CMKLR2: variants seen among roughly 807,000 people sequenced by gnomAD.
CMKLR2 encodes the protein chemerin-like receptor 2.
CMKLR2 carries 18 observed loss-of-function variants against 23.0 expected under a neutral mutation model. The ratio of observed to expected loss-of-function variants is 0.78; its 90% confidence interval spans 0.54 to 1.16. The LOEUF (loss-of-function observed/expected upper bound fraction) is 1.16, where lower values mean the gene tolerates loss of function less well. Among genes scored for constraint, CMKLR2 ranks in the 50% most tolerant of loss-of-function variants. The probability of loss-of-function intolerance (pLI) is 0.00; values close to 1 mark genes in which losing one functional copy is unlikely to be tolerated. For missense variants in CMKLR2, 401 were observed against 412.7 expected (o/e 0.97, Z 0.25); for synonymous variants, 158 against 158.9 (o/e 0.99, Z 0.05).
chr2:206,192,411 C>A (rs1319005110), intron 1 of CMKLR2, among the ~76,000 whole-genome samples: 1 of 129,222 alleles, frequency 7.7e-6, no homozygotes, highest in Non-Finnish European at 1.7e-5. Flanking sequence ...TTTTATTTTT[C>A]TGTTTATTTG....
At chr2:206,198,048 A>G (rs776601307) in intron 1 of CMKLR2, among the ~76,000 whole-genome samples, 1 of 152,318 alleles carries the variant, frequency 6.6e-6, no homozygotes, top group African/African-American at 2.4e-5. Context: ...TTCAGATTGT[A>G]TGATGGAGGG....
intron 1 of CMKLR2, among the ~76,000 whole-genome samples, chr2:206,205,552 G>T (rs1689282049): frequency 6.6e-6 from 1 of 151,368 alleles, no homozygotes; most frequent in Non-Finnish European, 1.5e-5. Flanking sequence ...TTAAATTTGG[G>T]GTAGAGACAG....
In CMKLR2 at chr2:206,176,462, A is replaced by G. The variant is rs148559301; in HGVS notation, c.786T>C (p.Tyr262=). The G allele has an allele frequency of 4.3e-6, 7 of 1,614,086 alleles. No individual in the cohort carries two copies. The African/African-American group carries it at 8.0e-5, about 18-fold the overall frequency. Residue 262 remains tyrosine, a synonymous_variant, in exon 2 of 2, where the codon TAT becomes TAC. Transcript: ENST00000621141. ...VVAFVVCWTP[Y]HLFSIWELTI... Reference sequence around the variant, plus strand: ...TGAGCTCCCAAATGCTAAACAGGTGATAAGGAGTCCAGCAAACCACAAAGG... The same window carrying G: ...TGAGCTCCCAAATGCTAAACAGGTGGTAAGGAGTCCAGCAAACCACAAAGG...
intron 1 of CMKLR2, among the ~76,000 whole-genome samples, chr2:206,201,283 T>A (rs191156741): frequency 1.3e-5 from 2 of 152,298 alleles, no homozygotes; most frequent in Admixed American, 1.3e-4. Flanking sequence ...TTTATGCCAG[T>A]TGCCATGCAA....
intron 1 of CMKLR2, among the ~76,000 whole-genome samples, chr2:206,204,247 G>T (rs1689224372): frequency 6.6e-6 from 1 of 151,094 alleles, no homozygotes; most frequent in Non-Finnish European, 1.5e-5. Flanking sequence ...CCAGCTACTC[G>T]GGAGGCTGAG....
chr2:206,205,432 A>G (rs1231814596), intron 1 of CMKLR2, among the ~76,000 whole-genome samples: 4 of 152,152 alleles, frequency 2.6e-5, no homozygotes, highest in Non-Finnish European at 5.9e-5. Context: ...GCACAATCAT[A>G]GCTCACTGCA....
At chr2:206,212,041 CAGG>C (rs1689587551) in intron 1 of CMKLR2, among the ~76,000 whole-genome samples, 1 of 152,096 alleles carries the variant, frequency 6.6e-6, no homozygotes, top group East Asian at 1.9e-4. Context: ...TAAGAGGGAA[CAGG>C]AGAAGTTTTT....
At chr2:206,181,088 C>T (rs1210769683) in intron 1 of CMKLR2, among the ~76,000 whole-genome samples, 1 of 147,244 alleles carries the variant, frequency 6.8e-6, no homozygotes, top group Non-Finnish European at 1.5e-5. Flanking sequence ...CCAACTCTCT[C>T]ACTCTGATGC....
At chr2:206,193,036 A>G (rs1688802497) in intron 1 of CMKLR2, among the ~76,000 whole-genome samples, 1 of 152,182 alleles carries the variant, frequency 6.6e-6, no homozygotes, top group Non-Finnish European at 1.5e-5. Flanking sequence ...GTACAAATAC[A>G]GCCATTGATT....
chr2:206,193,894 A>G (rs1475108536), intron 1 of CMKLR2, among the ~76,000 whole-genome samples: 1 of 152,218 alleles, frequency 6.6e-6, no homozygotes, highest in Non-Finnish European at 1.5e-5. Flanking sequence ...ATTATTTGGC[A>G]CTGAAGATGT....
chr2:206,203,477 G>A (rs1446897654), intron 1 of CMKLR2: 1 of 152,184 alleles, frequency 6.6e-6, no homozygotes, highest in African/African-American at 2.4e-5. Context: ...CCAATGGCCA[G>A]TGGTTTAATC....
At chr2:206,182,140 G>A (rs771704529) in intron 1 of CMKLR2, among the ~76,000 whole-genome samples, 11 of 151,996 alleles carry the variant, frequency 7.2e-5, no homozygotes, top group Non-Finnish European at 1.5e-4. Context: ...GAAAATCTAT[G>A]CCTAAGTGAA....
chr2:206,206,554 C>G (rs1378562830), intron 1 of CMKLR2, among the ~76,000 whole-genome samples: 1 of 152,226 alleles, frequency 6.6e-6, no homozygotes, highest in Non-Finnish European at 1.5e-5. Context: ...TAAATGAACT[C>G]TTCCCTGCCT....
chr2:206,217,534 C>T (rs1346783145), upstream of CMKLR2: 1 of 152,174 alleles, frequency 6.6e-6, no homozygotes, highest in African/African-American at 2.4e-5. Context: ...GAAAGTGATT[C>T]TTGAGGATAC....
At chr2:206,194,458 CTTTT>C (rs369564233) in intron 1 of CMKLR2, among the ~76,000 whole-genome samples, 6 of 127,694 alleles carry the variant, frequency 4.7e-5, no homozygotes, top group Admixed American at 2.6e-4. Flanking sequence ...TCGTTATGGG[CTTTT>C]TTTTTTTTTT....
At chr2:206,183,691 G>A (rs767719720) in intron 1 of CMKLR2, among the ~76,000 whole-genome samples, 1 of 152,184 alleles carries the variant, frequency 6.6e-6, no homozygotes, top group Non-Finnish European at 1.5e-5. Flanking sequence ...TACAGCAGAT[G>A]TTTTTGTTTG....
chr2:206,215,258 T>C (rs1185865525), upstream of CMKLR2, among the ~76,000 whole-genome samples: 1 of 152,230 alleles, frequency 6.6e-6, no homozygotes, highest in African/African-American at 2.4e-5. Context: ...GGGTACTTAG[T>C]AGAGCTCTGC....
intron 1 of CMKLR2, among the ~76,000 whole-genome samples, chr2:206,199,784 T>C (rs991691308): frequency 6.6e-5 from 10 of 151,742 alleles, no homozygotes; most frequent in Non-Finnish European, 1.5e-4. Flanking sequence ...TTAGTAGAGA[T>C]GGGGTTTTGT....
chr2:206,216,063 G>T (rs1325283734), upstream of CMKLR2, among the ~76,000 whole-genome samples: 1 of 152,190 alleles, frequency 6.6e-6, no homozygotes, highest in Non-Finnish European at 1.5e-5. Context: ...TTTCTGGACA[G>T]TTTTGCCACT....
Sources: gnomAD v4.1 joint callset for allele counts (sites outside exome capture counted in the v4.1 genomes callset) on GRCh38, gnomAD v4.1.1 for gene constraint, MANE v1.5 for transcripts, NCBI Gene and HGNC (gene_info 2026-07-23, HGNC 2026-07-21) for gene names.